DNAJC11: variants seen among roughly 807,000 people sequenced by gnomAD.
The protein encoded by DNAJC11 is DnaJ heat shock protein family (Hsp40) member C11, also known as dnaJ homolog subfamily C member 11.
A neutral mutation model predicts 78.6 loss-of-function variants in DNAJC11; 15 were observed. The observed-to-expected ratio is 0.19, with a 90% CI of 0.13 to 0.29. The LOEUF (loss-of-function observed/expected upper bound fraction) is 0.29. Ranked by LOEUF, DNAJC11 falls within the 10% of genes least tolerant of loss-of-function variation. The probability of loss-of-function intolerance (pLI) is 1.00; values close to 1 mark genes in which losing one functional copy is unlikely to be tolerated. For missense variants in DNAJC11, 547 were observed against 709.6 expected (o/e 0.77, Z 2.60); for synonymous variants, 292 against 272.1 (o/e 1.07, Z -0.72).
chr1:6,635,932 C>T (rs1369959938), intron 15 of DNAJC11, among the ~76,000 whole-genome samples, 185 bp downstream of exon 15: 1 of 152,242 alleles, frequency 6.6e-6, no homozygotes, highest in African/African-American at 2.4e-5. Flanking sequence ...GAAAGGGCCC[C>T]AGCCCCCCTT....
intron 1 of DNAJC11, among the ~76,000 whole-genome samples, chr1:6,700,241 A>T (rs1022360942): frequency 2.0e-5 from 3 of 152,132 alleles, no homozygotes; most frequent in African/African-American, 4.8e-5. Flanking sequence ...GCCCACAAAA[A>T]ATTGCTCCTA....
At chr1:6,692,396 C>T (rs1169485474) in intron 1 of DNAJC11, among the ~76,000 whole-genome samples, 1 of 151,528 alleles carries the variant, frequency 6.6e-6, no homozygotes, top group Non-Finnish European at 1.5e-5. Context: ...TCTGCCTCCT[C>T]TCTGCTTGGC....
Position 6,662,135 on chromosome 1 carries a change from GTTTTTTT to G in DNAJC11, c.378+5567_378+5573del, listed in dbSNP as rs869204845. Among the ~76,000 whole-genome samples, 289 of 116,118 alleles carry G rather than the reference GTTTTTTT, an allele frequency of 2.5e-3. 1 individual carries two copies. The highest frequency in any genetic ancestry group is 7.8e-3 in the African/African-American group (262 of 33,550). 76.2% of individuals were successfully genotyped at this position (116,118 alleles called of 152,430 possible). A position where few individuals can be genotyped will look rare whatever the true frequency, so the allele number is the denominator to read the frequency against. ...CCCAGTTAATTGTTTTTTGTTTTTT[GTTTTTTT>G]TTTTTGTAGAGATAGGATTTCACCA... On this transcript the variant is annotated intron_variant, in intron 4 of 15. Coordinates refer to ENST00000377577, the MANE Select transcript of DNAJC11 (RefSeq NM_018198.4).
At chr1:6,677,973 A>G (rs1464831707) in intron 3 of DNAJC11, among the ~76,000 whole-genome samples, 1 of 152,212 alleles carries the variant, frequency 6.6e-6, no homozygotes, top group Non-Finnish European at 1.5e-5. Context: ...ATTTCCTCAC[A>G]GCAATTATTC....
chr1:6,638,284 G>C lies in DNAJC11; in HGVS notation c.1323+11C>G. ...ACAGCCCTCGCTTGGGAACGGTGGG[G>C]CAGCACTCACAGCGGACTCCGCCTC... is the stretch of plus-strand genomic sequence containing the variant. On this transcript the variant is annotated intron_variant, in intron 12 of 15. Transcript: ENST00000377577. 1.2e-6 allele frequency: 2 copies of C among 1,611,524 alleles called. No homozygotes were observed. Among genetic ancestry groups the C allele is most frequent in the African/African-American group, 1.3e-5 (1 of 74,970 alleles).
At chr1:6,643,014 C>T (rs1641901302) in intron 10 of DNAJC11, among the ~76,000 whole-genome samples, 1 of 152,062 alleles carries the variant, frequency 6.6e-6, no homozygotes, top group Non-Finnish European at 1.5e-5. Flanking sequence ...CAGCAGCCAT[C>T]TGGTACGGAA....
At chr1:6,640,355 G>C (rs1641856783) in intron 10 of DNAJC11, among the ~76,000 whole-genome samples, 1 of 152,216 alleles carries the variant, frequency 6.6e-6, no homozygotes, top group African/African-American at 2.4e-5. Context: ...TTCAGTCATA[G>C]GCTGGAGAGG....
intron 3 of DNAJC11, among the ~76,000 whole-genome samples, chr1:6,675,450 C>G (rs1041013530): frequency 6.6e-6 from 1 of 151,916 alleles, no homozygotes; most frequent in African/African-American, 2.4e-5. Flanking sequence ...CACAGTCTCA[C>G]TGTCACTCAG....
chr1:6,670,478 T>C (rs1036859421), intron 3 of DNAJC11: 7 of 152,126 alleles, frequency 4.6e-5, no homozygotes, highest in Admixed American at 2.6e-4. Context: ...AACTTGATTT[T>C]ATTTTTCAAC....
At chr1:6,641,371 C>T (rs902239519) in intron 10 of DNAJC11, among the ~76,000 whole-genome samples, 68 of 101,494 alleles carry the variant, frequency 6.7e-4, no homozygotes, top group African/African-American at 2.9e-3. Context: ...AGCGAAACTC[C>T]GTCTCCAAAA....
At chr1:6,692,724 C>T (rs1471252425) in intron 1 of DNAJC11, among the ~76,000 whole-genome samples, 2 of 149,806 alleles carry the variant, frequency 1.3e-5, no homozygotes, top group South Asian at 2.1e-4. Flanking sequence ...GAATCTCCTG[C>T]CTCAGCCTCC....
chr1:6,637,606 G>T, intron 12 of DNAJC11, 102 bp from the exon 13 acceptor site: 1 of 1,347,000 alleles, frequency 7.4e-7, no homozygotes, highest in Non-Finnish European at 1.1e-6. Context: ...CAACATACTT[G>T]CTCAGGGCCT....
At chr1:6,695,216 G>T (rs1252606369) in intron 1 of DNAJC11, among the ~76,000 whole-genome samples, 1 of 151,486 alleles carries the variant, frequency 6.6e-6, no homozygotes, top group Non-Finnish European at 1.5e-5. Flanking sequence ...ACCCAGGCTG[G>T]TCTCAAACTC....
intron 4 of DNAJC11, among the ~76,000 whole-genome samples, chr1:6,660,398 TGCCTGCCTCG>T (rs1014259191): frequency 1.3e-5 from 2 of 152,074 alleles, no homozygotes; most frequent in African/African-American, 4.8e-5. Flanking sequence ...CTAGATGATC[TGCCTGCCTCG>T]GCCTGCCCAA....
At position 6,678,412 on chromosome 1, in the gene DNAJC11, C is replaced by T; in HGVS notation, c.258G>A (p.Leu86=). ...AIYDIYGKRG[L]EMEGWEVVER... Reference sequence around the variant, plus strand: ...CTCTTACCTCCCATCCTTCCATTTCCAGTCCTCTCTTCCCATATATATCAT... The same window carrying T: ...CTCTTACCTCCCATCCTTCCATTTCTAGTCCTCTCTTCCCATATATATCAT... Residue 86 remains leucine (L), a synonymous_variant, in exon 3 of 16, where the codon CTG becomes CTA. Coordinates refer to ENST00000377577, the MANE Select transcript of DNAJC11 (RefSeq NM_018198.4). 6.2e-7 allele frequency: 1 copy of T among 1,614,074 alleles called. No homozygotes were observed. The highest frequency in any genetic ancestry group is 2.2e-5 in the East Asian group (1 of 44,882).
At chr1:6,638,235 T>G (rs1438672174) in intron 12 of DNAJC11, 60 bp downstream of exon 12, 2 of 1,537,588 alleles carry the variant, frequency 1.3e-6, no homozygotes, top group African/African-American at 2.7e-5. Context: ...GAGACCAACA[T>G]GTGGGGTGTG....
chr1:6,647,547 C>T (rs575663016), intron 7 of DNAJC11, among the ~76,000 whole-genome samples: 3 of 151,550 alleles, frequency 2.0e-5, no homozygotes, highest in South Asian at 2.1e-4. Context: ...AGGCCGGGCG[C>T]GGTGGCTCAC....
chr1:6,665,585 T>C (rs1211346428), intron 4 of DNAJC11, among the ~76,000 whole-genome samples: 8 of 152,122 alleles, frequency 5.3e-5, no homozygotes, highest in African/African-American at 1.9e-4. Flanking sequence ...AGTAGCAAAG[T>C]ATAGGACATT....
chr1:6,662,748 T>G (rs1642236766), intron 4 of DNAJC11, among the ~76,000 whole-genome samples: 1 of 152,052 alleles, frequency 6.6e-6, no homozygotes, highest in African/African-American at 2.4e-5. Context: ...ACTCTGTAAA[T>G]GGACCAACCG....
Sources: allele counts gnomAD v4.1 joint callset (sites outside exome capture counted in the v4.1 genomes callset), GRCh38; gene constraint gnomAD v4.1.1; transcripts MANE v1.5; gene names NCBI Gene and HGNC (gene_info 2026-07-23, HGNC 2026-07-21).